The following FLT1 variants were observed in gnomAD, a reference collection of about 807,000 sequenced individuals.
FLT1 encodes fms related receptor tyrosine kinase 1.
Under a neutral mutation model 156.3 loss-of-function variants are expected in FLT1, and 49 were observed. That is an observed-to-expected ratio of 0.31 (90% CI 0.25 to 0.40). The LOEUF (loss-of-function observed/expected upper bound fraction) is 0.40, where lower values mean the gene tolerates loss of function less well. Ranked by LOEUF, FLT1 falls within the 10% of genes least tolerant of loss-of-function variation. FLT1 has a pLI of 1.00. For missense variants in FLT1, 1,322 were observed against 1,637.2 expected, an observed-to-expected ratio of 0.81 and a Z score of 3.32; for synonymous variants, 594 against 583.8, an observed-to-expected ratio of 1.02 and a Z score of -0.25.
chr13:28,432,708 T>G (rs1877767970), intron 6 of FLT1, among the ~76,000 whole-genome samples: 1 of 152,240 alleles, frequency 6.6e-6, no homozygotes, highest in Non-Finnish European at 1.5e-5. Flanking sequence ...CAGAAAGTTC[T>G]GCTGGACAGT....
At chr13:28,342,743 A>G (rs1034015427) in intron 16 of FLT1, among the ~76,000 whole-genome samples, 3 of 152,144 alleles carry the variant, frequency 2.0e-5, no homozygotes, top group Admixed American at 6.6e-5. Context: ...TGGGAATAAT[A>G]ATATATTTAC....
chr13:28,379,341 A>AC (rs1212201945), intron 14 of FLT1, among the ~76,000 whole-genome samples: 1 of 152,178 alleles, frequency 6.6e-6, no homozygotes, highest in Non-Finnish European at 1.5e-5. Context: ...CTCAAAAAAA[A>AC]CAAAACAAAA....
At chr13:28,361,347 T>C (rs1873107742) in intron 14 of FLT1, among the ~76,000 whole-genome samples, 1 of 152,034 alleles carries the variant, frequency 6.6e-6, no homozygotes, top group African/African-American at 2.4e-5. Flanking sequence ...ACCTCCCAGA[T>C]GTTGTTTCTT....
At chr13:28,336,008 C>T (rs1458717778) in intron 17 of FLT1, among the ~76,000 whole-genome samples, 1 of 152,188 alleles carries the variant, frequency 6.6e-6, no homozygotes, top group Non-Finnish European at 1.5e-5. Flanking sequence ...CAATGTTTTT[C>T]TTCCACAATG....
At chr13:28,376,776 A>G (rs983347036) in intron 14 of FLT1, among the ~76,000 whole-genome samples, 1 of 152,200 alleles carries the variant, frequency 6.6e-6, no homozygotes, top group Non-Finnish European at 1.5e-5. Context: ...GGAAGAGGGT[A>G]AGGTAGAAAG....
intron 23 of FLT1, among the ~76,000 whole-genome samples, chr13:28,320,071 A>T (rs1421146869): frequency 6.6e-6 from 1 of 152,242 alleles, no homozygotes; most frequent in Non-Finnish European, 1.5e-5. Flanking sequence ...GTTTTCAAAC[A>T]TGTAGACAAA....
chr13:28,436,267 C>A (rs1009727075), intron 4 of FLT1, among the ~76,000 whole-genome samples: 3 of 152,118 alleles, frequency 2.0e-5, no homozygotes, highest in African/African-American at 7.2e-5. Flanking sequence ...GGCCTGTCTG[C>A]AGCTGACCAT....
At chr13:28,305,436 G>A (rs996365137) in intron 29 of FLT1, among the ~76,000 whole-genome samples, 1 of 152,078 alleles carries the variant, frequency 6.6e-6, no homozygotes, top group East Asian at 1.9e-4. Flanking sequence ...TGTTGCTCCC[G>A]GGCTCAAGTG....
rs758350700 is a variant in FLT1 at position 28,389,922 on chromosome 13, G to C, written c.1843C>G (p.His615Asp). 1 of 1,614,162 alleles carries C rather than the reference G, an allele frequency of 6.2e-7. No individual in the cohort carries two copies. The highest frequency in any genetic ancestry group is 1.1e-5 in the South Asian group (1 of 91,078). The change falls in exon 13 of 30, where the codon CAC becomes GAC. Residue 615 changes from histidine to aspartate, a missense_variant. By Grantham distance (81) the His-to-Asp change is moderately conservative. Coordinates refer to ENST00000282397, the MANE Select transcript of FLT1 (RefSeq NM_002019.4). ...ATGGTAAGATTAAGAGTGATGGAGT[G>C]CTCCTTAGTGATGGCCATTTTTTGC... ...SKQKMAITKE[H>D]SITLNLTIMN...
chr13:28,379,759 T>G (rs1873997208), intron 14 of FLT1, among the ~76,000 whole-genome samples: 1 of 152,226 alleles, frequency 6.6e-6, no homozygotes, highest in African/African-American at 2.4e-5. Flanking sequence ...CTCAAGAATT[T>G]ACTACTCAGC....
intron 1 of FLT1, among the ~76,000 whole-genome samples, chr13:28,486,275 A>C (rs1257388214): frequency 6.6e-6 from 1 of 152,230 alleles, no homozygotes; most frequent in African/African-American, 2.4e-5. Context: ...ACACGATGGG[A>C]GGCCAGCTCT....
intron 14 of FLT1, among the ~76,000 whole-genome samples, chr13:28,364,220 A>G (rs1237698598): frequency 6.6e-6 from 1 of 151,854 alleles, no homozygotes; most frequent in Non-Finnish European, 1.5e-5. Context: ...TTATTTATTT[A>G]CTTATTTATT....
At chr13:28,341,653 A>G (rs1244088567) in intron 16 of FLT1, among the ~76,000 whole-genome samples, 1 of 152,212 alleles carries the variant, frequency 6.6e-6, no homozygotes, top group Non-Finnish European at 1.5e-5. Flanking sequence ...TGCCATCTTT[A>G]TCAATGAGGA....
chr13:28,311,462 C>T, intron 27 of FLT1, 128 bp downstream of exon 27: 1 of 845,408 alleles, frequency 1.2e-6, no homozygotes, highest in South Asian at 1.7e-5. Flanking sequence ...ATCTTTCTTT[C>T]TTTCTTTCTC....
intron 3 of FLT1, among the ~76,000 whole-genome samples, chr13:28,456,537 C>T (rs1447715704): frequency 6.6e-6 from 1 of 152,090 alleles, no homozygotes; most frequent in Non-Finnish European, 1.5e-5. Flanking sequence ...GTGGCTCATG[C>T]CTGTAATCCC....
chr13:28,387,172 C>T, intron 13 of FLT1: 1 of 1,035,230 alleles, frequency 9.7e-7, no homozygotes, highest in Non-Finnish European at 1.2e-6. Context: ...AAAAAGGCTG[C>T]AGAACGTACA....
chr13:28,371,552 A>G (rs1031780650), intron 14 of FLT1, among the ~76,000 whole-genome samples: 1 of 152,174 alleles, frequency 6.6e-6, no homozygotes, highest in East Asian at 1.9e-4. Context: ...TGTTCACAGA[A>G]CACTTATTTT....
chr13:28,445,956 C>A (rs1457713998), intron 3 of FLT1, among the ~76,000 whole-genome samples: 2 of 151,910 alleles, frequency 1.3e-5, no homozygotes, highest in African/African-American at 4.8e-5. Flanking sequence ...GAATTATATA[C>A]AATGCCCAAG....
intron 12 of FLT1, among the ~76,000 whole-genome samples, chr13:28,394,330 A>G (rs1874914809): frequency 6.6e-6 from 1 of 152,190 alleles, no homozygotes; most frequent in African/African-American, 2.4e-5. Flanking sequence ...AGCTTCAAGT[A>G]GGTATGTCTG....
Sources: gnomAD v4.1 joint callset for allele counts (sites outside exome capture counted in the v4.1 genomes callset) on GRCh38, gnomAD v4.1.1 for gene constraint, MANE v1.5 for transcripts, NCBI Gene and HGNC (gene_info 2026-07-23, HGNC 2026-07-21) for gene names.